Variants in OTOA observed in about 807,000 individuals in gnomAD.
OTOA encodes cancer/testis antigen 108.
OTOA carries 70 observed loss-of-function variants against 110.8 expected under a neutral mutation model. That is an observed-to-expected ratio of 0.63 (90% CI 0.52 to 0.77). The LOEUF (loss-of-function observed/expected upper bound fraction) is 0.77. Among genes scored for constraint, OTOA ranks in the 30% least tolerant of loss-of-function variants. OTOA has a pLI of 0.00. For missense variants in OTOA, 917 were observed against 1,075.8 expected (o/e 0.85, Z 2.06); for synonymous variants, 373 against 431.5 (o/e 0.86, Z 1.68).
chr16:21,722,840 T>G, intron 17 of OTOA, 65 bp from the exon 18 acceptor site: 1 of 1,428,266 alleles, frequency 7.0e-7, no homozygotes, highest in South Asian at 1.1e-5. Flanking sequence ...ACCTGGCACA[T>G]GGAAAGCACT....
intron 1 of OTOA, among the ~76,000 whole-genome samples, chr16:21,667,382 C>T (rs756693414): frequency 3.3e-5 from 5 of 152,244 alleles, no homozygotes; most frequent in South Asian, 2.1e-4. Flanking sequence ...CGGCTGGGCG[C>T]GGTGGCTCAC....
At chr16:21,664,702 G>A (rs1477863012) in intron 1 of OTOA, among the ~76,000 whole-genome samples, 1 of 151,924 alleles carries the variant, frequency 6.6e-6, no homozygotes, top group Non-Finnish European at 1.5e-5. Flanking sequence ...GTAAAGGCCG[G>A]GGCTCACACC....
At chr16:21,708,328 C>G (rs750324792) in intron 12 of OTOA, among the ~76,000 whole-genome samples, 1 of 152,040 alleles carries the variant, frequency 6.6e-6, no homozygotes, top group African/African-American at 2.4e-5. Context: ...AATCTAATGC[C>G]GCTTCTGATC....
At chr16:21,678,021 G>A (rs1013736922) in intron 1 of OTOA, among the ~76,000 whole-genome samples, 11 of 151,918 alleles carry the variant, frequency 7.2e-5, no homozygotes, top group African/African-American at 2.4e-4. Flanking sequence ...CAAGTAGCTG[G>A]GACTACAGAC....
At chr16:21,697,639 C>T in intron 9 of OTOA, 136 bp from the exon 10 acceptor site, 2 of 818,504 alleles carry the variant, frequency 2.4e-6, no homozygotes, top group Non-Finnish European at 4.0e-6. Flanking sequence ...CTCAAAAAAC[C>T]CCGAAAAACA....
chr16:21,716,887 T>C lies in OTOA; in HGVS notation c.1489-20T>C. On this transcript the variant is annotated intron_variant, in intron 14 of 28. Coordinates refer to ENST00000646100, the MANE Select transcript of OTOA (RefSeq NM_144672.4). ...ATGCATTTTTTACAATGTTGTTTTG[T>C]TGCTTCTCGCTTCTGGCAGATGGTC... 6.2e-7 allele frequency: 1 copy of C among 1,613,728 alleles called. No homozygotes were observed. The highest frequency in any genetic ancestry group is 8.5e-7 in the Non-Finnish European group (1 of 1,179,872).
chr16:21,683,886 A>G (rs1336850571), intron 6 of OTOA, among the ~76,000 whole-genome samples: 1 of 151,228 alleles, frequency 6.6e-6, no homozygotes, highest in Non-Finnish European at 1.5e-5. Context: ...CTCCTGCCTC[A>G]GCCTCCTGAG....
intron 1 of OTOA, among the ~76,000 whole-genome samples, chr16:21,675,113 C>CT (rs1966855103): frequency 1.7e-5 from 2 of 118,932 alleles, no homozygotes. Flanking sequence ...TTCTTTCTTT[C>CT]TTTTTCTTTC....
chr16:21,733,372 G>A (rs1899176567), intron 21 of OTOA, among the ~76,000 whole-genome samples: 2 of 151,136 alleles, frequency 1.3e-5, no homozygotes, highest in Admixed American at 1.3e-4. Flanking sequence ...GATTCCAAGA[G>A]GGACCAATCC....
chr16:21,724,060 A>T (rs1467490601), intron 18 of OTOA, among the ~76,000 whole-genome samples: 1 of 152,168 alleles, frequency 6.6e-6, no homozygotes, highest in Non-Finnish European at 1.5e-5. Flanking sequence ...AAGAAAAACT[A>T]GGTGCTTTCC....
Position 21,728,318 on chromosome 16 carries a change from C to T in OTOA, c.2094C>T (p.Asp698=). ...LLCHLPAAII[D]RGISPRAWAT... ...GTCACTTGCCGGCAGCCATCATCGACAGGGGGATCTCCCCCAGGGCTTGGG... is the reference window on the plus strand; with the variant it reads ...GTCACTTGCCGGCAGCCATCATCGATAGGGGGATCTCCCCCAGGGCTTGGG... The change falls in exon 20 of 29, where the codon GAC becomes GAT. Residue 698 remains aspartate, a synonymous_variant. Coordinates refer to ENST00000646100, the MANE Select transcript of OTOA (RefSeq NM_144672.4). The T allele has an allele frequency of 2.5e-6, 4 of 1,614,184 alleles. No individual in the cohort carries two copies. Among genetic ancestry groups the T allele is most frequent in the Non-Finnish European group, 3.4e-6 (4 of 1,180,032 alleles).
At chr16:21,702,694 T>C (rs1898076154) in intron 11 of OTOA, among the ~76,000 whole-genome samples, 1 of 152,220 alleles carries the variant, frequency 6.6e-6, no homozygotes, top group Non-Finnish European at 1.5e-5. Flanking sequence ...ATTTATTTAT[T>C]GAGACGGAGT....
chr16:21,717,827 C>T (rs772373208), intron 15 of OTOA, among the ~76,000 whole-genome samples: 4 of 152,156 alleles, frequency 2.6e-5, no homozygotes, highest in Non-Finnish European at 4.4e-5. Flanking sequence ...GTGAATGAAA[C>T]GACACAAATC....
chr16:21,717,857 C>T (rs981133152), intron 15 of OTOA, among the ~76,000 whole-genome samples: 3 of 152,198 alleles, frequency 2.0e-5, no homozygotes, highest in African/African-American at 7.2e-5. Context: ...TCCAGGCGCT[C>T]TTGCTCAGGG....
chr16:21,728,136 A>T (rs1898982999), intron 19 of OTOA, 105 bp from the exon 20 acceptor site: 1 of 1,414,400 alleles, frequency 7.1e-7, no homozygotes, highest in Non-Finnish European at 9.9e-7. Context: ...GAGTGCTGGG[A>T]TTATAGGCAT....
chr16:21,710,439 C>A (rs1486292407), intron 13 of OTOA, among the ~76,000 whole-genome samples: 1 of 152,148 alleles, frequency 6.6e-6, no homozygotes, highest in Non-Finnish European at 1.5e-5. Flanking sequence ...CCTCATCTAA[C>A]CCTTAAAGGC....
chr16:21,673,319 C>T (rs1293717432), intron 1 of OTOA, among the ~76,000 whole-genome samples: 2 of 152,106 alleles, frequency 1.3e-5, no homozygotes, highest in African/African-American at 4.8e-5. Context: ...TCAGATTTCA[C>T]TAGTTTTACA....
chr16:21,726,984 G>A lies in OTOA; in HGVS notation c.2016+326G>A, dbSNP rs61296062. 0.16 allele frequency: 54,383 copies of A among 344,074 alleles called. 5,683 individuals carry two copies. The highest frequency in any genetic ancestry group is 0.27 in the South Asian group (10,239 of 37,300). The allele number at this position is 344,074 out of a possible 1,614,324, so 21.3% of individuals were successfully genotyped here. On this transcript the variant is annotated intron_variant, in intron 19 of 28. Coordinates refer to ENST00000646100, the MANE Select transcript of OTOA (RefSeq NM_144672.4). ...GAGCCTCAGTCTTCTCATCTGTAAG[G>A]TGGGGGGAGTAGCACATCCCCCTTA...
In OTOA at chr16:21,679,078, C is replaced by T; in HGVS notation, c.151+12C>T. The T allele has an allele frequency of 1.2e-6, 2 of 1,613,824 alleles. No individual in the cohort carries two copies. The highest frequency in any genetic ancestry group is 2.2e-5 in the South Asian group (2 of 91,072). On this transcript the variant is annotated intron_variant, in intron 4 of 28. Coordinates refer to ENST00000646100, the MANE Select transcript of OTOA (RefSeq NM_144672.4). ...AAGCTATCTGAATGGTAATGTGCCCCCTTGATCTCCACTTGCTTCTTCTAA... is the reference window on the plus strand; with the variant it reads ...AAGCTATCTGAATGGTAATGTGCCCTCTTGATCTCCACTTGCTTCTTCTAA...
Sources: allele counts gnomAD v4.1 joint callset (sites outside exome capture counted in the v4.1 genomes callset), GRCh38; gene constraint gnomAD v4.1.1; transcripts MANE v1.5; gene names NCBI Gene and HGNC (gene_info 2026-07-23, HGNC 2026-07-21).